Variants in ZSCAN31 observed in about 807,000 individuals in gnomAD.
ZSCAN31 encodes zinc finger and SCAN domain containing 31, also known as zinc finger and SCAN domain-containing protein 31.
ZSCAN31 carries 14 observed loss-of-function variants against 22.5 expected under a neutral mutation model. The observed-to-expected ratio is 0.62, with a 90% CI of 0.41 to 0.97. The LOEUF (loss-of-function observed/expected upper bound fraction) is 0.97. ZSCAN31 is among the 50% of genes least tolerant of loss of function. The pLI is 0.00. For synonymous variants in ZSCAN31, 168 were observed against 169.8 expected, an observed-to-expected ratio of 0.99 and a Z score of 0.08; for missense variants, 424 against 483.4, an observed-to-expected ratio of 0.88 and a Z score of 1.15.
At position 28,326,244 on chromosome 6, in the gene ZSCAN31, G is replaced by A. The variant is rs750220264; in HGVS notation, c.1143C>T (p.Cys381=). The A allele has an allele frequency of 8.7e-6, 14 of 1,613,962 alleles. No homozygotes were observed. The highest frequency in any genetic ancestry group is 1.2e-5 in the Non-Finnish European group (14 of 1,180,016). Residue 381 remains cysteine (C), a synonymous_variant, in exon 4 of 4, where the codon TGC becomes TGT. Coordinates refer to ENST00000344279, the MANE Select transcript of ZSCAN31 (RefSeq NM_030899.5). The stretch of plus-strand genomic sequence containing the variant: ...TACTAAAGAGTTTACTGCACTGACT[G>A]CACTGATAGGGTTTCTCACCAGTGT... ...RVHTGEKPYQ[C]SQCSKLFSKR...
upstream of ZSCAN31, among the ~76,000 whole-genome samples, chr6:28,340,095 T>C (rs1396199919): frequency 1.3e-5 from 2 of 152,248 alleles, no homozygotes; most frequent in African/African-American, 2.4e-5. Flanking sequence ...TCTGAATAAG[T>C]TAAGTGCTGC....
At chr6:28,346,403 T>G (rs1446542542) in intron 2 of ZSCAN31, among the ~76,000 whole-genome samples, 1 of 140,994 alleles carries the variant, frequency 7.1e-6, no homozygotes, top group Non-Finnish European at 1.5e-5. Flanking sequence ...CAGGCTGGAG[T>G]GCAGTGTGCA....
chr6:28,329,720 A>C lies in ZSCAN31; in HGVS notation c.-37T>G. The stretch of plus-strand genomic sequence containing the variant: ...ATTTGGAAGGCTTACTCTGGCTTTA[A>C]GTAAAGGGATAACTGTGATTTAAAA... On this transcript the variant is annotated 5_prime_UTR_variant, in exon 2 of 4. Transcript: ENST00000344279. The C allele has an allele frequency of 6.4e-7, 1 of 1,570,740 alleles. No homozygotes were observed. Among genetic ancestry groups the C allele is most frequent in the Non-Finnish European group, 8.6e-7 (1 of 1,160,850 alleles).
At chr6:28,328,361 G>A (rs1763467034) in intron 2 of ZSCAN31, among the ~76,000 whole-genome samples, 1 of 152,190 alleles carries the variant, frequency 6.6e-6, no homozygotes, top group African/African-American at 2.4e-5. Context: ...ATAAGAGATG[G>A]CTACGCCCAG....
chr6:28,328,937 T>C (rs1207766556), intron 2 of ZSCAN31, among the ~76,000 whole-genome samples: 1 of 152,196 alleles, frequency 6.6e-6, no homozygotes, highest in Non-Finnish European at 1.5e-5. Flanking sequence ...AAAAGCACTG[T>C]GGCTTTTTCC....
At chr6:28,350,387 AG>A (rs1277534520) in intron 2 of ZSCAN31, 5 of 152,224 alleles carry the variant, frequency 3.3e-5, no homozygotes, top group Non-Finnish European at 5.9e-5. Context: ...CCTGGTAACA[AG>A]GTCAGTTTCA....
At chr6:28,346,342 CTTTTTTTT>C (rs5875155) in intron 2 of ZSCAN31, among the ~76,000 whole-genome samples, 2,850 of 87,814 alleles carry the variant, frequency 0.032, 75 homozygotes, top group Non-Finnish European at 0.043. Context: ...TCAGTACAAT[CTTTTTTTT>C]TTTTTTTTTT....
At chr6:28,346,040 T>C (rs937298849) in intron 2 of ZSCAN31, among the ~76,000 whole-genome samples, 1 of 152,216 alleles carries the variant, frequency 6.6e-6, no homozygotes, top group Non-Finnish European at 1.5e-5. Flanking sequence ...GTGCTTTCTA[T>C]GTACCCTCTT....
rs774289500 is a variant in ZSCAN31 at position 28,326,601 on chromosome 6, A to G, written c.786T>C (p.Thr262=). The change falls in exon 4 of 4, where the codon ACT becomes ACC. Residue 262 remains threonine, a synonymous_variant. Coordinates refer to ENST00000344279, the MANE Select transcript of ZSCAN31 (RefSeq NM_030899.5). ...SVLIEHQRIH[T]GEKPYECEEC... ...CTTCACATTCATATGGCTTCTCCCC[A>G]GTGTGGATTCTCTGGTGCTCAATGA... The G allele has an allele frequency of 6.2e-7, 1 of 1,614,144 alleles. No homozygotes were observed.
chr6:28,352,383 G>A (rs1447938860), intron 2 of ZSCAN31, among the ~76,000 whole-genome samples: 1 of 152,044 alleles, frequency 6.6e-6, no homozygotes, highest in East Asian at 1.9e-4. Context: ...CTCCCAAGTA[G>A]CTGGGATTAC....
chr6:28,350,457 C>T (rs1347256748), intron 2 of ZSCAN31: 2 of 152,176 alleles, frequency 1.3e-5, no homozygotes, highest in Non-Finnish European at 2.9e-5. Flanking sequence ...GTCAGATTAC[C>T]TGGTTCAAAT....
Position 28,333,314 on chromosome 6 carries a change from G to C in ZSCAN31, c.-96+2768C>G, listed in dbSNP as rs1763901990. Among the ~76,000 whole-genome samples the C allele has an allele frequency of 6.6e-6, 1 of 152,200 alleles. No individual in the cohort carries two copies. The highest frequency in any genetic ancestry group is 1.5e-5 in the Non-Finnish European group (1 of 68,038). ...ACTAACCTATTTATTTGCTCATTTAGTCAATAAATGTTCATTGAGCACTCA... is the reference window on the plus strand; with the variant it reads ...ACTAACCTATTTATTTGCTCATTTACTCAATAAATGTTCATTGAGCACTCA... On this transcript the variant is annotated intron_variant, in intron 1 of 3. Transcript: ENST00000344279. This position sits in a 1 kb window ranked among gnomAD's most constrained non-coding sequence, Gnocchi z 4.1.
chr6:28,333,377 AT>A lies in ZSCAN31; in HGVS notation c.-96+2704del, dbSNP rs1327353221. Among the ~76,000 whole-genome samples, 2 of 152,196 alleles carry A rather than the reference AT, an allele frequency of 1.3e-5. No individual in the cohort carries two copies. Among genetic ancestry groups the A allele is most frequent in the Non-Finnish European group, 2.9e-5 (2 of 68,030 alleles). Reference sequence around the variant, plus strand: ...TACTTGGCTGGGCATTAGGGCTACAATGGTGAAAAAGACGGGACCAGGCCCT... The same window carrying A: ...TACTTGGCTGGGCATTAGGGCTACAAGGTGAAAAAGACGGGACCAGGCCCT... On this transcript the variant is annotated intron_variant, in intron 1 of 3. Transcript: ENST00000344279. This position sits in a 1 kb window ranked among gnomAD's most constrained non-coding sequence, Gnocchi z 4.1.
chr6:28,340,353 T>G (rs1764364131), upstream of ZSCAN31, among the ~76,000 whole-genome samples: 1 of 152,210 alleles, frequency 6.6e-6, no homozygotes, highest in African/African-American at 2.4e-5. Context: ...AATCCCCACA[T>G]GTGGTGGGAA....
chr6:28,326,608 A>G lies in ZSCAN31; in HGVS notation c.779T>C (p.Ile260Thr). 1 of 1,614,114 alleles carries G rather than the reference A, an allele frequency of 6.2e-7. No homozygotes were observed. Among genetic ancestry groups the G allele is most frequent in the Non-Finnish European group, 8.5e-7 (1 of 1,180,020 alleles). ...TTCATATGGCTTCTCCCCAGTGTGGATTCTCTGGTGCTCAATGAGTACTGA... is the reference window on the plus strand; with the variant it reads ...TTCATATGGCTTCTCCCCAGTGTGGGTTCTCTGGTGCTCAATGAGTACTGA... ...KSSVLIEHQR[I>T]HTGEKPYECE... The change falls in exon 4 of 4, where the codon ATC becomes ACC. Residue 260 changes from isoleucine (I) to threonine (T), a missense_variant. By Grantham distance (89) the Ile-to-Thr change is moderately conservative. Coordinates refer to ENST00000344279, the MANE Select transcript of ZSCAN31 (RefSeq NM_030899.5).
Position 28,344,863 on chromosome 6 carries a change from C to T in ZSCAN31, c.-370-3071G>A, listed in dbSNP as rs112798057. The stretch of plus-strand genomic sequence containing the variant: ...AAAAAAATTGGGCCAGACATGGTGG[C>T]TCACGCCTGTAATCCCAGCACTTTG... On this transcript the variant is annotated intron_variant, in intron 2 of 7. Transcript: ENST00000396838. Among the ~76,000 whole-genome samples, 633 of 151,964 alleles carry T rather than the reference C, an allele frequency of 4.2e-3. 7 individuals are homozygous for T. The highest frequency in any genetic ancestry group is 0.014 in the African/African-American group (567 of 41,456).
upstream of ZSCAN31, among the ~76,000 whole-genome samples, chr6:28,338,214 C>T (rs147496922): frequency 1.1e-4 from 16 of 152,132 alleles, no homozygotes; most frequent in East Asian, 2.5e-3. Flanking sequence ...GCCTGGGCAA[C>T]GTGGTGAAAC....
Position 28,326,324 on chromosome 6 carries a change from C to CA in ZSCAN31, c.1062dup (p.Glu355Ter). On this transcript the variant is annotated frameshift_variant, in exon 4 of 4. Transcript: ENST00000344279. LOFTEE classifies it low-confidence loss of function (END_TRUNC). ...TTCTGAATGAAGGCTTTGCCACACT[C>CA]ACGACACTGATAGCGCTTCTCTCCA... 6.2e-7 allele frequency: 1 copy of CA among 1,614,234 alleles called. No homozygotes were observed. Among genetic ancestry groups the CA allele is most frequent in the Non-Finnish European group, 8.5e-7 (1 of 1,180,038 alleles).
At position 28,351,660 on chromosome 6, in the gene ZSCAN31, C is replaced by A. The variant is rs1478148692; in HGVS notation, c.-371+2202G>T. 1.3e-5 allele frequency among the ~76,000 whole-genome samples: 2 copies of A among 151,718 alleles called. No individual in the cohort carries two copies. The highest frequency in any genetic ancestry group is 2.9e-5 in the Non-Finnish European group (2 of 67,914). ...CCTTCCCTTTTGTCTCCCTCCTTCC[C>A]TTTTACTTCCTCCCTCTTTCCCTCT... On this transcript the variant is annotated intron_variant, in intron 2 of 7. Transcript: ENST00000396838. The surrounding 1 kb of genome is among the most constrained non-coding windows in gnomAD (Gnocchi z 4.6).
Sources: gnomAD v4.1 joint callset for allele counts (sites outside exome capture counted in the v4.1 genomes callset) on GRCh38, gnomAD v4.1.1 for gene constraint, Gnocchi (gnomAD v3.1) non-coding constraint, MANE v1.5 for transcripts, NCBI Gene and HGNC (gene_info 2026-07-23, HGNC 2026-07-21) for gene names.